Variants in ECH1 observed in about 807,000 individuals in gnomAD.
The protein encoded by ECH1 is delta(3,5)-Delta(2,4)-dienoyl-CoA isomerase, mitochondrial.
Under a neutral mutation model 37.0 loss-of-function variants are expected in ECH1, and 30 were observed. The observed-to-expected ratio is 0.81, with a 90% CI of 0.61 to 1.10. ECH1 has a LOEUF of 1.10. Ranked by LOEUF, ECH1 falls within the 50% of genes least tolerant of loss-of-function variation. The probability of loss-of-function intolerance (pLI) is 0.00; values close to 1 mark genes in which losing one functional copy is unlikely to be tolerated. For missense variants in ECH1, 456 were observed against 441.6 expected, an observed-to-expected ratio of 1.03 and a Z score of -0.29; for synonymous variants, 178 against 176.0, an observed-to-expected ratio of 1.01 and a Z score of -0.09.
chr19:38,819,326 C>G (rs1271273532), intron 3 of ECH1: 1 of 661,360 alleles, frequency 1.5e-6, no homozygotes, highest in Admixed American at 6.3e-5. Context: ...GACTCCTTCA[C>G]TTCCTTCAGC....
At chr19:38,821,928 T>C (rs897368931) in intron 3 of ECH1, among the ~76,000 whole-genome samples, 1 of 152,244 alleles carries the variant, frequency 6.6e-6, no homozygotes, top group Non-Finnish European at 1.5e-5. Context: ...CCAGCTGAGC[T>C]CCTGAGTCTA....
intron 8 of ECH1, 66 bp downstream of exon 8, chr19:38,816,218 G>A (rs1231367875): frequency 1.9e-6 from 3 of 1,583,946 alleles, no homozygotes; most frequent in South Asian, 2.2e-5. Context: ...AAGGGGACCC[G>A]GAGAGGCCTC....
intron 3 of ECH1, among the ~76,000 whole-genome samples, chr19:38,828,135 T>C (rs1265516962): frequency 6.6e-6 from 1 of 152,214 alleles, no homozygotes; most frequent in Non-Finnish European, 1.5e-5. Context: ...TTTGGAACTA[T>C]ATGATAGAAT....
rs377259662 is a variant in ECH1 at position 38,824,553 on chromosome 19, T to C, written c.349+6525A>G. On this transcript the variant is annotated intron_variant, in intron 3 of 9. Transcript: ENST00000221418. ...GGAGGCTCATTTTTTTTCTGCACTA[T>C]GGCCTGGCCCCAGTATTCTCTCTCT... is the stretch of plus-strand genomic sequence containing the variant. Among the ~76,000 whole-genome samples, 8 of 152,290 alleles carry C rather than the reference T, an allele frequency of 5.3e-5. No homozygotes were observed. In the East Asian group the frequency reaches 9.7e-4, roughly 18 times the overall value.
chr19:38,824,948 C>T (rs950160202), intron 3 of ECH1, among the ~76,000 whole-genome samples: 1 of 152,132 alleles, frequency 6.6e-6, no homozygotes, highest in Non-Finnish European at 1.5e-5. Context: ...GGTACATGTC[C>T]CCTTCTCCAT....
intron 3 of ECH1, among the ~76,000 whole-genome samples, chr19:38,818,807 G>A (rs938708309): frequency 6.6e-6 from 1 of 152,142 alleles, no homozygotes; most frequent in African/African-American, 2.4e-5. Flanking sequence ...TTTCCCACCT[G>A]TGGCTCTTAG....
Position 38,831,450 on chromosome 19 carries a change from T to TC in ECH1, c.118dup (p.Glu40GlyfsTer10), listed in dbSNP as rs1971823313. ...ACCGAGGGCTACTCCGGAAGCCTCCTCTTGTGCAGAGGAGCCAGTGAGGCG... is the reference window on the plus strand; with the variant it reads ...ACCGAGGGCTACTCCGGAAGCCTCCTCCTTGTGCAGAGGAGCCAGTGAGGCG... On this transcript the variant is annotated frameshift_variant, in exon 2 of 10. Coordinates refer to ENST00000221418, the MANE Select transcript of ECH1 (RefSeq NM_001398.3). LOFTEE classifies it high-confidence loss of function. The TC allele has an allele frequency of 6.2e-7, 1 of 1,613,924 alleles. No individual in the cohort carries two copies. Among genetic ancestry groups the TC allele is most frequent in the African/African-American group, 1.3e-5 (1 of 74,878 alleles).
In ECH1 at chr19:38,817,377, A is replaced by G. The variant is rs1201756367; in HGVS notation, c.475-13T>C. On this transcript the variant is annotated splice_polypyrimidine_tract_variant and intron_variant, in intron 4 of 9. Coordinates refer to ENST00000221418, the MANE Select transcript of ECH1 (RefSeq NM_001398.3). ...CGGGCTTGGGGCACTGAGAGGGAACAGGAAGAGTGGGGTCAGGGCTGGCCC... is the reference window on the plus strand; with the variant it reads ...CGGGCTTGGGGCACTGAGAGGGAACGGGAAGAGTGGGGTCAGGGCTGGCCC... 1.2e-6 allele frequency: 2 copies of G among 1,600,800 alleles called. No homozygotes were observed. Among genetic ancestry groups the G allele is most frequent in the East Asian group, 2.3e-5 (1 of 44,424 alleles).
chr19:38,824,362 G>C (rs1971708241), intron 3 of ECH1, among the ~76,000 whole-genome samples: 2 of 152,158 alleles, frequency 1.3e-5, no homozygotes, highest in South Asian at 2.1e-4. Flanking sequence ...CGATCAGCAG[G>C]GTACAGGGAC....
At chr19:38,825,643 AG>A (rs1971728332) in intron 3 of ECH1, among the ~76,000 whole-genome samples, 1 of 152,228 alleles carries the variant, frequency 6.6e-6, no homozygotes, top group Admixed American at 6.5e-5. Flanking sequence ...GAAAGGCCGC[AG>A]CCTTAGTTAT....
chr19:38,823,677 G>C lies in ECH1; in HGVS notation c.350-6102C>G, dbSNP rs552757910. On this transcript the variant is annotated intron_variant, in intron 3 of 9. Coordinates refer to ENST00000221418, the MANE Select transcript of ECH1 (RefSeq NM_001398.3). ...GAAAGCCATGCAGCTCTAGGGTCCCGACAAGACAACAAGTTCGTTGACCCT... is the reference window on the plus strand; with the variant it reads ...GAAAGCCATGCAGCTCTAGGGTCCCCACAAGACAACAAGTTCGTTGACCCT... Among the ~76,000 whole-genome samples the C allele has an allele frequency of 5.8e-3, 885 of 152,260 alleles. 3 individuals are homozygous for C. Among genetic ancestry groups the C allele is most frequent in the Non-Finnish European group, 8.0e-3 (544 of 68,020 alleles).
chr19:38,817,540 G>C lies in ECH1; in HGVS notation c.385C>G (p.Gln129Glu). Residue 129 changes from glutamine (Q) to glutamate (E), a missense_variant, in exon 4 of 10, where the codon CAG (glutamine) becomes GAG (glutamate). Gln to Glu is a conservative substitution (Grantham distance 29, BLOSUM62 2). Transcript: ENST00000221418. ...CGGGCCACATCATCTCCTTTGGGCT[G>C]CAGGATGTCCGAAGCCATGTCCATC... Reference protein sequence around the residue: ...DLMDMASDILQPKGDDVARIS... With the variant: ...DLMDMASDILEPKGDDVARIS... 6.2e-7 allele frequency: 1 copy of C among 1,611,160 alleles called. No individual in the cohort carries two copies. The highest frequency in any genetic ancestry group is 8.5e-7 in the Non-Finnish European group (1 of 1,177,650).
intron 3 of ECH1, among the ~76,000 whole-genome samples, chr19:38,826,644 T>TTC (rs1971742608): frequency 6.6e-6 from 1 of 152,164 alleles, no homozygotes; most frequent in South Asian, 2.1e-4. Context: ...ACCTCAAGGA[T>TTC]GCCTTCTTCT....
rs778441499 is a variant in ECH1 at position 38,831,781 on chromosome 19, C to G, written c.-9G>C. 6.2e-7 allele frequency: 1 copy of G among 1,612,944 alleles called. No individual in the cohort carries two copies. Among genetic ancestry groups the G allele is most frequent in the Admixed American group, 1.7e-5 (1 of 59,908 alleles). ...ACTATCCCCGCCGCCATCGCCGCCG[C>G]CTTCGTCTACTGCGTTCGGACGGAG... On this transcript the variant is annotated 5_prime_UTR_variant, in exon 1 of 10. Coordinates refer to ENST00000221418, the MANE Select transcript of ECH1 (RefSeq NM_001398.3).
intron 3 of ECH1, among the ~76,000 whole-genome samples, chr19:38,827,010 C>T (rs1430016043): frequency 1.3e-5 from 2 of 149,168 alleles, no homozygotes; most frequent in Non-Finnish European, 3.0e-5. Context: ...CCAGGGCCCT[C>T]AGCAAGGATG....
intron 3 of ECH1, among the ~76,000 whole-genome samples, chr19:38,824,853 A>C (rs1179888376): frequency 6.6e-6 from 1 of 152,134 alleles, no homozygotes; most frequent in African/African-American, 2.4e-5. Context: ...ATATGCAAAG[A>C]AATCTCCAAA....
At position 38,817,324 on chromosome 19, in the gene ECH1, A is replaced by G. The variant is rs781032847; in HGVS notation, c.515T>C (p.Ile172Thr). The G allele has an allele frequency of 3.8e-6, 6 of 1,565,418 alleles. No homozygotes were observed. Among genetic ancestry groups the G allele is most frequent in the Non-Finnish European group, 5.2e-6 (6 of 1,152,570 alleles). The change falls in exon 5 of 10, where the codon ATT (isoleucine) becomes ACT (threonine). Residue 172 changes from isoleucine to threonine, a missense_variant. Transcript: ENST00000221418. Reference protein sequence around the residue: ...PVIAAVHGGCIGGGVDLVTAC... With the variant: ...PVIAAVHGGCTGGGVDLVTAC... Reference sequence around the variant, plus strand: ...GATAGCCGCAGACTCACCTCCGCCAATGCAGCCCCCATGGACGGCAGCAAT... The same window carrying G: ...GATAGCCGCAGACTCACCTCCGCCAGTGCAGCCCCCATGGACGGCAGCAAT...
intron 3 of ECH1, among the ~76,000 whole-genome samples, chr19:38,823,575 G>A (rs1276896760): frequency 6.6e-6 from 1 of 152,204 alleles, no homozygotes; most frequent in Non-Finnish European, 1.5e-5. Flanking sequence ...ACTCTTTGGA[G>A]TTGGGAGCGT....
chr19:38,818,932 T>TGTGCGCGCGCGC (rs144733422), intron 3 of ECH1, among the ~76,000 whole-genome samples: 8 of 142,852 alleles, frequency 5.6e-5, no homozygotes, highest in South Asian at 2.3e-4. Flanking sequence ...TGTGTGTGTG[T>TGTGCGCGCGCGC]GCACTGTTCC....
Sources: allele counts gnomAD v4.1 joint callset (sites outside exome capture counted in the v4.1 genomes callset), GRCh38; gene constraint gnomAD v4.1.1; transcripts MANE v1.5; gene names NCBI Gene and HGNC (gene_info 2026-07-23, HGNC 2026-07-21).